The following ZFPM2 variants were observed in gnomAD, a reference collection of about 807,000 sequenced individuals.
ZFPM2 encodes the protein zinc finger protein, FOG family member 2.
Under a neutral mutation model 98.6 loss-of-function variants are expected in ZFPM2, and 20 were observed. That is an observed-to-expected ratio of 0.20 (90% CI 0.14 to 0.29). The LOEUF is 0.29. Among genes scored for constraint, ZFPM2 ranks in the 10% least tolerant of loss-of-function variants. The pLI is 1.00. For synonymous variants in ZFPM2, 518 were observed against 502.7 expected (o/e 1.03, Z -0.41); for missense variants, 1,310 against 1,388.6 (o/e 0.94, Z 0.90).
intron 3 of ZFPM2, among the ~76,000 whole-genome samples, chr8:105,476,781 G>A (rs1334297843): frequency 4.0e-5 from 6 of 151,460 alleles, no homozygotes; most frequent in Non-Finnish European, 8.8e-5. Context: ...TTTAAAATTA[G>A]CATCTCAAAT....
At chr8:105,651,442 T>C (rs2130868947) in intron 5 of ZFPM2, among the ~76,000 whole-genome samples, 1 of 142,740 alleles carries the variant, frequency 7.0e-6, no homozygotes, top group South Asian at 2.3e-4. Context: ...CACTCTAGCC[T>C]GGGTGACAGT....
chr8:105,593,534 C>G (rs1468745716), intron 4 of ZFPM2, among the ~76,000 whole-genome samples: 1 of 151,900 alleles, frequency 6.6e-6, no homozygotes, highest in Non-Finnish European at 1.5e-5. Context: ...TGTCCCAAAT[C>G]TGCTGTCCGC....
chr8:105,713,367 G>C (rs575081766), intron 5 of ZFPM2, among the ~76,000 whole-genome samples: 1 of 151,978 alleles, frequency 6.6e-6, no homozygotes, highest in East Asian at 1.9e-4. Flanking sequence ...CTTTTTAATA[G>C]GGTTATTTGT....
intron 4 of ZFPM2, 29 bp from the exon 5 acceptor site, chr8:105,634,217 G>T: frequency 1.3e-6 from 2 of 1,544,348 alleles, no homozygotes; most frequent in Non-Finnish European, 1.8e-6. Flanking sequence ...GAAGCAAATG[G>T]CATCTGTTTG....
chr8:105,586,867 C>A (rs1038325199), intron 4 of ZFPM2, among the ~76,000 whole-genome samples: 56 of 119,836 alleles, frequency 4.7e-4, no homozygotes, highest in Non-Finnish European at 1.4e-4. Context: ...TATATATATT[C>A]TTTTGAGCAG....
chr8:105,783,604 A>T (rs192440708), intron 5 of ZFPM2, among the ~76,000 whole-genome samples: 4 of 152,222 alleles, frequency 2.6e-5, no homozygotes, highest in African/African-American at 9.6e-5. Context: ...ATGATTTGGG[A>T]TACCTTAAGT....
chr8:105,618,530 A>G (rs1204260952), intron 4 of ZFPM2, among the ~76,000 whole-genome samples: 2 of 152,184 alleles, frequency 1.3e-5, no homozygotes, highest in Admixed American at 6.6e-5. Flanking sequence ...CTAGCCAGCC[A>G]AAGTTCTTGT....
At chr8:105,737,661 C>T (rs1374576216) in intron 5 of ZFPM2, 1 of 152,350 alleles carries the variant, frequency 6.6e-6, no homozygotes, top group Non-Finnish European at 1.5e-5. Context: ...GAGGCAGACC[C>T]AGGGGACCAA....
intron 3 of ZFPM2, among the ~76,000 whole-genome samples, chr8:105,494,349 C>T (rs1813419691): frequency 1.3e-5 from 2 of 151,248 alleles, no homozygotes; most frequent in South Asian, 4.2e-4. Context: ...CGCTTAAGAC[C>T]CAGGTGTCAT....
intron 3 of ZFPM2, among the ~76,000 whole-genome samples, chr8:105,465,671 C>T (rs902021304): frequency 6.6e-6 from 1 of 151,678 alleles, no homozygotes; most frequent in African/African-American, 2.4e-5. Flanking sequence ...TATGATATTC[C>T]TGATATTGTG....
chr8:105,539,682 C>T (rs899688696), intron 3 of ZFPM2, among the ~76,000 whole-genome samples: 10 of 152,134 alleles, frequency 6.6e-5, no homozygotes, highest in African/African-American at 2.4e-4. Flanking sequence ...TTATATACCT[C>T]TTTTTATTGC....
intron 5 of ZFPM2, among the ~76,000 whole-genome samples, chr8:105,721,224 C>T (rs1811655072): frequency 2.0e-5 from 3 of 151,952 alleles, no homozygotes; most frequent in South Asian, 2.1e-4. Flanking sequence ...CCAGTGAATA[C>T]TGTGTTTTCC....
At chr8:105,435,797 G>A (rs1812107838) in intron 2 of ZFPM2, among the ~76,000 whole-genome samples, 3 of 140,928 alleles carry the variant, frequency 2.1e-5, no homozygotes, top group Admixed American at 7.4e-5. Flanking sequence ...AGTCTCTATT[G>A]TGAGAAAAAA....
chr8:105,419,262 A>G lies in ZFPM2; in HGVS notation c.159A>G (p.Glu53=). ...EESFSTEFGP[E]NLSCEEVEYF... is the part of the protein sequence containing the mutation. ...GCTTTTCCACAGAATTTGGGCCTGA[A>G]AATCTGAGCTGCGAAGAAGTGGAAT... The change falls in exon 2 of 8, where the codon GAA becomes GAG. Residue 53 remains glutamate, a synonymous_variant. Transcript: ENST00000407775. 1.2e-6 allele frequency: 2 copies of G among 1,613,678 alleles called. No individual in the cohort carries two copies. The highest frequency in any genetic ancestry group is 8.5e-7 in the Non-Finnish European group (1 of 1,179,690).
chr8:105,639,118 T>C (rs1816902818), intron 5 of ZFPM2, among the ~76,000 whole-genome samples: 1 of 152,008 alleles, frequency 6.6e-6, no homozygotes, highest in African/African-American at 2.4e-5. Flanking sequence ...GAGAGTAGGG[T>C]GAGCAAAGGC....
At chr8:105,632,915 CT>C in intron 4 of ZFPM2, among the ~76,000 whole-genome samples, 1 of 151,768 alleles carries the variant, frequency 6.6e-6, no homozygotes. Flanking sequence ...TTTCAGACTT[CT>C]TTTTAAATCC....
At chr8:105,759,626 A>C (rs1011674489) in intron 5 of ZFPM2, among the ~76,000 whole-genome samples, 1 of 149,658 alleles carries the variant, frequency 6.7e-6, no homozygotes, top group Non-Finnish European at 1.5e-5. Context: ...ACATGTGTGT[A>C]TTCATTATTC....
intron 1 of ZFPM2, among the ~76,000 whole-genome samples, chr8:105,383,260 C>T (rs1019534590): frequency 6.6e-6 from 1 of 151,982 alleles, no homozygotes; most frequent in African/African-American, 2.4e-5. Context: ...TCACTAAGTA[C>T]TGTTGGGGAT....
chr8:105,514,307 CTTTTTTTTTTTTTTTT>C (rs56955237), intron 3 of ZFPM2, among the ~76,000 whole-genome samples: 15 of 127,536 alleles, frequency 1.2e-4, no homozygotes, highest in Admixed American at 1.6e-4. Flanking sequence ...CTGGTCGTGT[CTTTTTTTTTTTTTTTT>C]TTTTTTTTTT....
Sources: gnomAD v4.1 joint callset for allele counts (sites outside exome capture counted in the v4.1 genomes callset) on GRCh38, gnomAD v4.1.1 for gene constraint, MANE v1.5 for transcripts, NCBI Gene and HGNC (gene_info 2026-07-23, HGNC 2026-07-21) for gene names.